The following BCAR3 variants were observed in gnomAD, a reference collection of about 807,000 sequenced individuals.
BCAR3 encodes the protein BCAR3 adaptor protein, NSP family member.
A neutral mutation model predicts 80.1 loss-of-function variants in BCAR3; 37 were observed. That is an observed-to-expected ratio of 0.46 (90% CI 0.36 to 0.61). BCAR3 has a LOEUF of 0.61. Among genes scored for constraint, BCAR3 ranks in the 20% least tolerant of loss-of-function variants. The pLI, the probability that BCAR3 is intolerant of heterozygous loss-of-function variation, is 0.00. For synonymous variants in BCAR3, 389 were observed against 418.9 expected, an observed-to-expected ratio of 0.93 and a Z score of 0.87; for missense variants, 978 against 1,068.2, an observed-to-expected ratio of 0.92 and a Z score of 1.18.
At chr1:93,745,634 T>C (rs946473125) in intron 2 of BCAR3, among the ~76,000 whole-genome samples, 1 of 152,210 alleles carries the variant, frequency 6.6e-6, no homozygotes, top group Non-Finnish European at 1.5e-5. Context: ...TGGATTCTCA[T>C]CTTGTCTCTT....
intron 2 of BCAR3, among the ~76,000 whole-genome samples, chr1:93,745,139 T>C (rs1237792987): frequency 6.6e-6 from 1 of 152,176 alleles, no homozygotes; most frequent in African/African-American, 2.4e-5. Context: ...TGATGGAAAG[T>C]CTCCCAGGTG....
At chr1:93,562,970 A>G (rs1024094315) in intron 11 of BCAR3, among the ~76,000 whole-genome samples, 5 of 152,224 alleles carry the variant, frequency 3.3e-5, no homozygotes, top group African/African-American at 1.2e-4. Context: ...TTAAAAAACA[A>G]TAGAGTGAAA....
Position 93,674,801 on chromosome 1 carries a change from C to A in BCAR3, c.130G>T (p.Asp44Tyr). 6.2e-7 allele frequency: 1 copy of A among 1,610,122 alleles called. No homozygotes were observed. The highest frequency in any genetic ancestry group is 1.1e-5 in the South Asian group (1 of 90,362). Residue 44 changes from aspartate to tyrosine, a missense_variant, in exon 2 of 12, where the codon GAT (aspartate) becomes TAT (tyrosine). Coordinates refer to ENST00000260502, the MANE Select transcript of BCAR3 (RefSeq NM_003567.4). ...GGAAGGGTGCCATGTATAGACACAT[C>A]TTGATAGGCATCTGGGCGATGCTCA... ...LAEHRPDAYQDVSIHGTLPRK... is the reference protein window; with the variant it reads ...LAEHRPDAYQYVSIHGTLPRK...
chr1:93,712,615 C>G (rs569461263), intron 2 of BCAR3, among the ~76,000 whole-genome samples: 35 of 152,104 alleles, frequency 2.3e-4, no homozygotes, highest in Non-Finnish European at 5.0e-4. Context: ...TTTCTTTTTT[C>G]TTACCCCTCC....
At chr1:93,570,396 C>G (rs994541621) in intron 9 of BCAR3, among the ~76,000 whole-genome samples, 4 of 152,180 alleles carry the variant, frequency 2.6e-5, no homozygotes, top group African/African-American at 9.7e-5. Flanking sequence ...GGACTGTAAA[C>G]TCATACTCAA....
chr1:93,664,588 T>C (rs1181971947), intron 2 of BCAR3, among the ~76,000 whole-genome samples: 1 of 152,214 alleles, frequency 6.6e-6, no homozygotes, highest in Non-Finnish European at 1.5e-5. Context: ...ATGGTGAGTC[T>C]ATATAGGAAT....
intron 3 of BCAR3, among the ~76,000 whole-genome samples, chr1:93,634,635 C>T (rs949797393): frequency 6.6e-6 from 1 of 151,616 alleles, no homozygotes; most frequent in Non-Finnish European, 1.5e-5. Context: ...GTGGAGGTTG[C>T]AATGAGTCAA....
At chr1:93,727,793 C>A (rs1440426914) in intron 2 of BCAR3, among the ~76,000 whole-genome samples, 2 of 152,172 alleles carry the variant, frequency 1.3e-5, no homozygotes, top group African/African-American at 2.4e-5. Flanking sequence ...AGTGGCCCCC[C>A]CAAAAGACAC....
At chr1:93,577,022 T>C (rs761802) in intron 7 of BCAR3, among the ~76,000 whole-genome samples, 25,148 of 152,110 alleles carry the variant, frequency 0.17, 2,271 homozygotes, top group Non-Finnish European at 0.2. Flanking sequence ...GGCATGGTGG[T>C]GTGTGCCTGC....
At chr1:93,831,871 A>T (rs1171247441) in intron 2 of BCAR3, among the ~76,000 whole-genome samples, 2 of 152,158 alleles carry the variant, frequency 1.3e-5, no homozygotes, top group Non-Finnish European at 2.9e-5. Flanking sequence ...AGGTGGCTGG[A>T]GCTGAAGGCA....
intron 3 of BCAR3, among the ~76,000 whole-genome samples, chr1:93,623,335 T>C: frequency 6.6e-6 from 1 of 152,114 alleles, no homozygotes; most frequent in East Asian, 1.9e-4. Context: ...GTGGCTATTA[T>C]ATTTAAAAGC....
chr1:93,674,839 C>A lies in BCAR3; in HGVS notation c.92G>T (p.Arg31Met). The A allele has an allele frequency of 6.2e-7, 1 of 1,603,872 alleles. No homozygotes were observed. The highest frequency in any genetic ancestry group is 8.5e-7 in the Non-Finnish European group (1 of 1,176,104). Reference sequence around the variant, plus strand: ...TGGGCGATGCTCAGCGAGAGGGGACCTGCTGCTCAGAAGGTCCATGGATGA... The same window carrying A: ...TGGGCGATGCTCAGCGAGAGGGGACATGCTGCTCAGAAGGTCCATGGATGA... ...LASSMDLLSS[R>M]SPLAEHRPDA... Residue 31 changes from arginine to methionine, a missense_variant, in exon 2 of 12, where the codon AGG becomes ATG. Physicochemically the swap from Arg to Met is moderately conservative, Grantham distance 91. Transcript: ENST00000260502.
intron 2 of BCAR3, among the ~76,000 whole-genome samples, chr1:93,733,300 C>T (rs1467129): frequency 0.072 from 10,989 of 152,190 alleles, 474 homozygotes; most frequent in South Asian, 0.091. Flanking sequence ...GATAAAGATG[C>T]CCCGGCTTAC....
At chr1:93,756,763 C>T (rs552086667) in intron 2 of BCAR3, among the ~76,000 whole-genome samples, 1 of 152,324 alleles carries the variant, frequency 6.6e-6, no homozygotes, top group Admixed American at 6.5e-5. Context: ...CCAGGGAATG[C>T]CCAGGTGCAG....
At chr1:93,613,983 G>C (rs1428484044) in intron 3 of BCAR3, 1 of 1,547,192 alleles carries the variant, frequency 6.5e-7, no homozygotes, top group African/African-American at 1.4e-5. Context: ...TTAAAAGAAA[G>C]GGGGCTTCGG....
chr1:93,807,091 T>A (rs1455902733), intron 2 of BCAR3, among the ~76,000 whole-genome samples: 1 of 151,740 alleles, frequency 6.6e-6, no homozygotes, highest in Non-Finnish European at 1.5e-5. Context: ...GATGACAAAG[T>A]GAGACCCTAT....
intron 11 of BCAR3, among the ~76,000 whole-genome samples, chr1:93,566,946 T>C (rs1672976785): frequency 6.6e-6 from 1 of 152,176 alleles, no homozygotes; most frequent in African/African-American, 2.4e-5. Context: ...CAAGCTGGTC[T>C]TGAACTCCTG....
chr1:93,588,830 A>T, intron 5 of BCAR3, 147 bp downstream of exon 5: 1 of 931,290 alleles, frequency 1.1e-6, no homozygotes, highest in Non-Finnish European at 1.6e-6. Flanking sequence ...CTAATTGTTC[A>T]CTGCCTCGTG....
chr1:93,846,451 C>A (rs900665703), intron 1 of BCAR3, among the ~76,000 whole-genome samples: 1 of 152,190 alleles, frequency 6.6e-6, no homozygotes, highest in Non-Finnish European at 1.5e-5. Context: ...AGAGCAACCA[C>A]GCGGCTTTGA....
Sources: gnomAD v4.1 joint callset for allele counts (sites outside exome capture counted in the v4.1 genomes callset) on GRCh38, gnomAD v4.1.1 for gene constraint, MANE v1.5 for transcripts, NCBI Gene and HGNC (gene_info 2026-07-23, HGNC 2026-07-21) for gene names.